The following MCCC1 variants were observed in gnomAD, a reference collection of about 807,000 sequenced individuals.
MCCC1 encodes the protein methylcrotonyl-CoA carboxylase subunit 1, also known as methylcrotonoyl-CoA carboxylase subunit alpha, mitochondrial.
Under a neutral mutation model 83.8 loss-of-function variants are expected in MCCC1, and 64 were observed. That is an observed-to-expected ratio of 0.76 (90% CI 0.62 to 0.94). MCCC1 has a LOEUF of 0.94. Among genes scored for constraint, MCCC1 ranks in the 40% least tolerant of loss-of-function variants. The probability of loss-of-function intolerance (pLI) is 0.00; values close to 1 mark genes in which losing one functional copy is unlikely to be tolerated. For synonymous variants in MCCC1, 322 were observed against 315.4 expected (o/e 1.02, Z -0.22); for missense variants, 807 against 904.7 (o/e 0.89, Z 1.39).
At position 183,033,956 on chromosome 3, in the gene MCCC1, G is replaced by T. The variant is rs768619740; in HGVS notation, c.1681+35C>A. 4 of 1,454,522 alleles carry T rather than the reference G, an allele frequency of 2.8e-6. No individual in the cohort carries two copies. The South Asian group carries it at 3.4e-5, about 12-fold the overall frequency. The allele number at this position is 1,454,522 out of a possible 1,614,324, so 90.1% of individuals were successfully genotyped here. A position where few individuals can be genotyped will look rare whatever the true frequency, so the allele number is the denominator to read the frequency against. ...TCAGATTAATGTGATACATTTCTAT[G>T]ACTCACATTTCTCTTTTAATGAAAC... On this transcript the variant is annotated intron_variant, in intron 14 of 18. Coordinates refer to ENST00000265594, the MANE Select transcript of MCCC1 (RefSeq NM_020166.5).
At position 183,071,520 on chromosome 3, in the gene MCCC1, G is replaced by A. The variant is rs540071435; in HGVS notation, c.492-163C>T. Among the ~76,000 whole-genome samples the A allele has an allele frequency of 2.0e-5, 3 of 152,234 alleles. No homozygotes were observed. The South Asian group carries it at 6.2e-4, about 32-fold the overall frequency. ...ACAAATTTAATATGTCTATTAGTTA[G>A]TTTCCCTCATTTCATGTGGTAGCTC... On this transcript the variant is annotated intron_variant, in intron 5 of 18. Coordinates refer to ENST00000265594, the MANE Select transcript of MCCC1 (RefSeq NM_020166.5).
chr3:183,026,187 C>T (rs1300224064), intron 14 of MCCC1, among the ~76,000 whole-genome samples: 1 of 152,030 alleles, frequency 6.6e-6, no homozygotes, highest in Non-Finnish European at 1.5e-5. Flanking sequence ...GGACTACAGG[C>T]GTGCCACCAC....
chr3:183,085,130 G>T (rs550930734), intron 4 of MCCC1, among the ~76,000 whole-genome samples: 4 of 152,306 alleles, frequency 2.6e-5, no homozygotes, highest in Non-Finnish European at 5.9e-5. Context: ...AGACAACGAA[G>T]AATTTCTAAG....
intron 9 of MCCC1, 66 bp from the exon 10 acceptor site, chr3:183,045,606 T>C (rs901667676): frequency 2.6e-6 from 4 of 1,554,678 alleles, no homozygotes; most frequent in Middle Eastern, 1.7e-4. Flanking sequence ...AAATCTTCCA[T>C]GATGCATCAC....
chr3:183,051,362 A>G (rs181047410), intron 9 of MCCC1, among the ~76,000 whole-genome samples: 3 of 152,332 alleles, frequency 2.0e-5, no homozygotes. Flanking sequence ...TGAGCTATCA[A>G]GCCATGAAAA....
Position 183,053,929 on chromosome 3 carries a change from G to T in MCCC1, c.874-1689C>A, listed in dbSNP as rs552024362. Among the ~76,000 whole-genome samples the T allele has an allele frequency of 4.1e-3, 594 of 145,158 alleles. 1 individual carries two copies. Among genetic ancestry groups the T allele is most frequent in the Admixed American group, 8.5e-3 (123 of 14,458 alleles). On this transcript the variant is annotated intron_variant, in intron 8 of 18. Coordinates refer to ENST00000265594, the MANE Select transcript of MCCC1 (RefSeq NM_020166.5). ...GTCTCACTCTGTTGCCCAGGCTGGA[G>T]TGCAGTGGTATGATCTCGGCTCATT...
intron 16 of MCCC1, 38 bp from the exon 17 acceptor site, chr3:183,020,275 CCTATCA>C: frequency 6.8e-7 from 1 of 1,461,088 alleles, no homozygotes; most frequent in African/African-American, 1.4e-5. Flanking sequence ...GAATCAACAT[CCTATCA>C]CTATATTTTT....
In MCCC1 at chr3:183,071,354, T is replaced by C. The variant is rs771823625; in HGVS notation, c.495A>G (p.Thr165=). 7 of 1,614,114 alleles carry C rather than the reference T, an allele frequency of 4.3e-6. No homozygotes were observed. In the African/African-American group the frequency reaches 6.7e-5, roughly 15 times the overall value. ...SAIRDMGIKS[T]SKSIMAAAGV... ...CAGCAGCAGCCATTATGGATTTGGA[T>C]GTGCTTTAGAGTGGGAAAGAAAACA... The change falls in exon 6 of 19, where the codon ACA becomes ACG. Residue 165 remains threonine, a synonymous_variant. Coordinates refer to ENST00000265594, the MANE Select transcript of MCCC1 (RefSeq NM_020166.5).
At chr3:183,105,557 G>T (rs1003713358) in intron 1 of MCCC1, among the ~76,000 whole-genome samples, 1 of 152,120 alleles carries the variant, frequency 6.6e-6, no homozygotes, top group African/African-American at 2.4e-5. Context: ...GGCAAGAAAA[G>T]TTGTTGGCTT....
intron 4 of MCCC1, among the ~76,000 whole-genome samples, chr3:183,079,497 T>C (rs1230366931): frequency 2.0e-5 from 3 of 152,188 alleles, no homozygotes; most frequent in Non-Finnish European, 4.4e-5. Flanking sequence ...ATGCAAGAGG[T>C]GGGTTCCCAT....
intron 9 of MCCC1, 60 bp from the exon 10 acceptor site, chr3:183,045,600 C>T: frequency 6.4e-7 from 1 of 1,574,278 alleles, no homozygotes; most frequent in Non-Finnish European, 8.7e-7. Flanking sequence ...AAACCAAAAT[C>T]TTCCATGATG....
intron 17 of MCCC1, among the ~76,000 whole-genome samples, chr3:183,019,650 G>C (rs1711983549): frequency 6.6e-6 from 1 of 152,208 alleles, no homozygotes; most frequent in African/African-American, 2.4e-5. Flanking sequence ...AGCCTGAACT[G>C]ACTCAGACAG....
chr3:183,029,157 T>C (rs1712846535), intron 14 of MCCC1: 2 of 152,210 alleles, frequency 1.3e-5, no homozygotes, highest in South Asian at 2.1e-4. Context: ...TACATGAGTA[T>C]GGAAATGGTT....
Position 183,057,358 on chromosome 3 carries a change from A to G in MCCC1, c.826T>C (p.Cys276Arg), listed in dbSNP as rs773433541. The G allele has an allele frequency of 1.2e-6, 2 of 1,610,978 alleles. No homozygotes were observed. The highest frequency in any genetic ancestry group is 2.2e-5 in the East Asian group (1 of 44,870). Residue 276 changes from cysteine to arginine, a missense_variant, in exon 8 of 19, where the codon TGT becomes CGT. Transcript: ENST00000265594. Reference protein sequence around the residue: ...GNAVYLFERDCSVQRRHQKII... With the variant: ...GNAVYLFERDRSVQRRHQKII... The stretch of plus-strand genomic sequence containing the variant: ...TTCTGATGTCGCCTCTGCACACTAC[A>G]GTCTCTTTCAAACAAGTACACAGCA...
intron 10 of MCCC1, among the ~76,000 whole-genome samples, chr3:183,043,695 G>A (rs2108483346): frequency 1.3e-5 from 2 of 152,306 alleles, no homozygotes; most frequent in East Asian, 3.9e-4. Context: ...AAGTTCTAGT[G>A]TCCCTCCCCA....
In MCCC1 at chr3:183,075,069, T is replaced by G. The variant is rs187490625; in HGVS notation, c.370-2582A>C. 2.6e-5 allele frequency among the ~76,000 whole-genome samples: 4 copies of G among 152,370 alleles called. No individual in the cohort carries two copies. In the East Asian group the frequency reaches 7.7e-4, roughly 29 times the overall value. ...GATCTTATGCTTTATTATGGCTGCATAGTATTCCGTGGTGTATATGTACCA... is the reference window on the plus strand; with the variant it reads ...GATCTTATGCTTTATTATGGCTGCAGAGTATTCCGTGGTGTATATGTACCA... On this transcript the variant is annotated intron_variant, in intron 4 of 18. Coordinates refer to ENST00000265594, the MANE Select transcript of MCCC1 (RefSeq NM_020166.5).
chr3:183,101,892 T>G (rs1560294275), upstream of MCCC1, among the ~76,000 whole-genome samples: 1 of 151,676 alleles, frequency 6.6e-6, no homozygotes, highest in African/African-American at 2.4e-5. Flanking sequence ...ACACGCTGCC[T>G]TAAGAGCTGT....
rs73068856 is a variant in MCCC1, at chr3:183,060,576, T to C, written c.762-3154A>G. Reference sequence around the variant, plus strand: ...TCCAATATGTTTGCAAATACACTTATAGTTTTTTTTTATTATACTTTAATT... The same window carrying C: ...TCCAATATGTTTGCAAATACACTTACAGTTTTTTTTTATTATACTTTAATT... On this transcript the variant is annotated intron_variant, in intron 7 of 18. Coordinates refer to ENST00000265594, the MANE Select transcript of MCCC1 (RefSeq NM_020166.5). Among the ~76,000 whole-genome samples, 711 of 151,670 alleles carry C rather than the reference T, an allele frequency of 4.7e-3. 6 individuals are homozygous for C. The highest frequency in any genetic ancestry group is 0.016 in the African/African-American group (676 of 41,064).
intron 13 of MCCC1, among the ~76,000 whole-genome samples, chr3:183,036,073 G>A (rs1297512260): frequency 2.0e-5 from 3 of 149,860 alleles, no homozygotes; most frequent in Admixed American, 6.7e-5. Context: ...GAGAACATGC[G>A]GTGTTTGGTT....
Sources: allele counts gnomAD v4.1 joint callset (sites outside exome capture counted in the v4.1 genomes callset), GRCh38; gene constraint gnomAD v4.1.1; transcripts MANE v1.5; gene names NCBI Gene and HGNC (gene_info 2026-07-23, HGNC 2026-07-21).